DNAJC16: variants seen among roughly 807,000 people sequenced by gnomAD.
DNAJC16 encodes DnaJ heat shock protein family (Hsp40) member C16.
DNAJC16 carries 76 observed loss-of-function variants against 92.7 expected under a neutral mutation model. The observed-to-expected ratio is 0.82, with a 90% CI of 0.68 to 0.99. The LOEUF (loss-of-function observed/expected upper bound fraction) is 0.99. DNAJC16 is among the 50% of genes least tolerant of loss of function. The pLI is 0.00. For synonymous variants in DNAJC16, 328 were observed against 358.7 expected, an observed-to-expected ratio of 0.91 and a Z score of 0.97; for missense variants, 869 against 942.4, an observed-to-expected ratio of 0.92 and a Z score of 1.02.
At chr1:15,544,755 G>A (rs769411239) in intron 5 of DNAJC16, among the ~76,000 whole-genome samples, 172 bp downstream of exon 5, 1 of 152,192 alleles carries the variant, frequency 6.6e-6, no homozygotes, top group Non-Finnish European at 1.5e-5. Flanking sequence ...AGTGAAGTCT[G>A]TAGGAGACTA....
chr1:15,549,724 G>T (rs554361910), intron 7 of DNAJC16, among the ~76,000 whole-genome samples: 2 of 149,596 alleles, frequency 1.3e-5, no homozygotes, highest in African/African-American at 5.0e-5. Context: ...TGGGGCAGGA[G>T]AATGGCGTGA....
chr1:15,538,184 C>G (rs2145399), intron 4 of DNAJC16, among the ~76,000 whole-genome samples: 10 of 151,846 alleles, frequency 6.6e-5, no homozygotes, highest in Non-Finnish European at 1.5e-4. Flanking sequence ...ATCACAAGGT[C>G]AGGAGTTCGA....
In DNAJC16 at chr1:15,566,168, A is replaced by C; in HGVS notation, c.1766A>C (p.Lys589Thr). Residue 589 changes from lysine (K) to threonine (T), a missense_variant, in exon 13 of 15, where the codon AAA becomes ACA. Coordinates refer to ENST00000375847, the MANE Select transcript of DNAJC16 (RefSeq NM_015291.4). ...GGGAAAACTGAGCCAAGCTTCACCA[A>C]AGAAAACAGCAGGTTTCTCTAACAA... ...KTGKTEPSFT[K>T]ENSSKIPKKG... 1 of 1,613,860 alleles carries C rather than the reference A, an allele frequency of 6.2e-7. No individual in the cohort carries two copies. The highest frequency in any genetic ancestry group is 8.5e-7 in the Non-Finnish European group (1 of 1,179,968).
chr1:15,547,762 G>C (rs113687678), intron 6 of DNAJC16, among the ~76,000 whole-genome samples: 1,738 of 152,180 alleles, frequency 0.011, 38 homozygotes, highest in African/African-American at 0.039. Flanking sequence ...TTTGCATAGA[G>C]CAAGATACTG....
In DNAJC16 at chr1:15,546,407, GTAGA is replaced by G. The variant is rs369373059; in HGVS notation, c.760-349_760-346del. On this transcript the variant is annotated intron_variant, in intron 5 of 14. Transcript: ENST00000375847. ...AGATAGATGATAGATAGATAGATAG[GTAGA>G]TAGATAGATATTGAAAGGGGCAGTT... is the stretch of plus-strand genomic sequence containing the variant. Among the ~76,000 whole-genome samples, 281 of 152,214 alleles carry G rather than the reference GTAGA, an allele frequency of 1.8e-3. 1 individual carries two copies. Among genetic ancestry groups the G allele is most frequent in the African/African-American group, 6.4e-3 (267 of 41,548 alleles).
At position 15,566,145 on chromosome 1, in the gene DNAJC16, G is replaced by A; in HGVS notation, c.1743G>A (p.Gly581=). 1 of 1,613,964 alleles carries A rather than the reference G, an allele frequency of 6.2e-7. No individual in the cohort carries two copies. Among genetic ancestry groups the A allele is most frequent in the Middle Eastern group, 1.7e-4 (1 of 6,060 alleles). The change falls in exon 13 of 15, where the codon GGG becomes GGA. Residue 581 remains glycine (G), a synonymous_variant. Transcript: ENST00000375847. ...AAGAGGAAGCCCAAGAGAAGACTGG[G>A]AAAACTGAGCCAAGCTTCACCAAAG... ...PEKEEAQEKT[G]KTEPSFTKEN...
intron 2 of DNAJC16, among the ~76,000 whole-genome samples, chr1:15,532,944 A>T (rs1226147940): frequency 1.3e-5 from 2 of 152,236 alleles, no homozygotes; most frequent in African/African-American, 4.8e-5. Context: ...GAATAAATCC[A>T]TTAAGTTGTA....
chr1:15,534,221 C>T lies in DNAJC16; in HGVS notation c.168-16C>T, dbSNP rs1309562593. The T allele has an allele frequency of 5.0e-6, 8 of 1,613,698 alleles. No homozygotes were observed. The highest frequency in any genetic ancestry group is 5.9e-6 in the Non-Finnish European group (7 of 1,179,862). The stretch of plus-strand genomic sequence containing the variant: ...AAGTTACATCCTTTCTCACCGCCTG[C>T]CTGTTTGTGTTTCAGGCATCCTGAC... On this transcript the variant is annotated splice_polypyrimidine_tract_variant and intron_variant, in intron 2 of 14. Coordinates refer to ENST00000375847, the MANE Select transcript of DNAJC16 (RefSeq NM_015291.4).
At chr1:15,555,962 G>T in intron 7 of DNAJC16, among the ~76,000 whole-genome samples, 1 of 146,180 alleles carries the variant, frequency 6.8e-6, no homozygotes, top group African/African-American at 2.6e-5. Context: ...TTGCACTTCA[G>T]CCTGGGCAAC....
chr1:15,554,895 A>G lies in DNAJC16; in HGVS notation c.1024-4631A>G, dbSNP rs1638530314. 3.3e-5 allele frequency among the ~76,000 whole-genome samples: 5 copies of G among 152,118 alleles called. No homozygotes were observed. In the South Asian group the frequency reaches 1.0e-3, roughly 31 times the overall value. ...TATCCTTAGAAAATTGGGCCTTCCAACCTTTGAACATGATATATCTGTTTC... is the reference window on the plus strand; with the variant it reads ...TATCCTTAGAAAATTGGGCCTTCCAGCCTTTGAACATGATATATCTGTTTC... On this transcript the variant is annotated intron_variant, in intron 7 of 14. Transcript: ENST00000375847.
intron 2 of DNAJC16, among the ~76,000 whole-genome samples, chr1:15,530,422 C>T (rs1334312418): frequency 6.6e-6 from 1 of 152,220 alleles, no homozygotes; most frequent in East Asian, 1.9e-4. Context: ...AGCAATAAAT[C>T]TAAAACTTTG....
At position 15,569,570 on chromosome 1, in the gene DNAJC16, A is replaced by AGGT. The variant is rs1171090907; in HGVS notation, c.*1395_*1397dup. ...AGTGGTCCGTTCAAATGTCAAAGCA[A>AGGT]GGTGCCTTTGGTGGCTTTGTGAAGG... is the stretch of plus-strand genomic sequence containing the variant. On this transcript the variant is annotated 3_prime_UTR_variant, in exon 15 of 15. Coordinates refer to ENST00000375847, the MANE Select transcript of DNAJC16 (RefSeq NM_015291.4). 6.6e-6 allele frequency: 1 copy of AGGT among 151,848 alleles called. No individual in the cohort carries two copies. The highest frequency in any genetic ancestry group is 1.5e-5 in the Non-Finnish European group (1 of 67,996). The allele number at this position is 151,848 out of a possible 1,614,324, so 9.4% of individuals were successfully genotyped here.
At chr1:15,559,826 G>C (rs1203311127) in intron 8 of DNAJC16, among the ~76,000 whole-genome samples, 170 bp downstream of exon 8, 1 of 152,142 alleles carries the variant, frequency 6.6e-6, no homozygotes, top group Non-Finnish European at 1.5e-5. Context: ...CACTTTGGGA[G>C]GCCGAGGAGG....
chr1:15,527,490 G>A (rs886619255), intron 1 of DNAJC16, among the ~76,000 whole-genome samples: 4 of 152,204 alleles, frequency 2.6e-5, no homozygotes, highest in Non-Finnish European at 5.9e-5. Context: ...CAAGGTGGTA[G>A]TATTCATTCC....
intron 6 of DNAJC16, 44 bp downstream of exon 6, chr1:15,546,915 C>CTTTTCTTTTCTTTTCT: frequency 1.1e-6 from 1 of 906,246 alleles, no homozygotes; most frequent in African/African-American, 2.1e-5. Context: ...CTTTTCTTTT[C>CTTTTCTTTTCTTTTCT]TTTTTTTTTT....
intron 2 of DNAJC16, among the ~76,000 whole-genome samples, chr1:15,532,799 C>T (rs566796717): frequency 3.3e-5 from 5 of 152,074 alleles, no homozygotes; most frequent in African/African-American, 9.6e-5. Flanking sequence ...TTTTTTCCCC[C>T]ACTAATACTC....
At chr1:15,559,123 A>G (rs1456104824) in intron 7 of DNAJC16, among the ~76,000 whole-genome samples, 1 of 152,138 alleles carries the variant, frequency 6.6e-6, no homozygotes, top group Non-Finnish European at 1.5e-5. Flanking sequence ...TATTTTTAGC[A>G]GAGACGGGGT....
In DNAJC16 at chr1:15,559,671, C is replaced by T; in HGVS notation, c.1154+15C>T. On this transcript the variant is annotated intron_variant, in intron 8 of 14. Coordinates refer to ENST00000375847, the MANE Select transcript of DNAJC16 (RefSeq NM_015291.4). ...CGACAGAGGAAGTAAGGACTTAAGGCTTTGCCTCTGCTTGTTATTACAATA... is the reference window on the plus strand; with the variant it reads ...CGACAGAGGAAGTAAGGACTTAAGGTTTTGCCTCTGCTTGTTATTACAATA... 6.2e-7 allele frequency: 1 copy of T among 1,612,084 alleles called. No individual in the cohort carries two copies. Among genetic ancestry groups the T allele is most frequent in the Non-Finnish European group, 8.5e-7 (1 of 1,178,894 alleles).
At chr1:15,539,197 C>T (rs192356344) in intron 4 of DNAJC16, among the ~76,000 whole-genome samples, 6 of 152,246 alleles carry the variant, frequency 3.9e-5, no homozygotes, top group Admixed American at 2.0e-4. Flanking sequence ...TTTATATAAA[C>T]ATCAAATAAT....
Sources: allele counts gnomAD v4.1 joint callset (sites outside exome capture counted in the v4.1 genomes callset), GRCh38; gene constraint gnomAD v4.1.1; transcripts MANE v1.5; gene names NCBI Gene and HGNC (gene_info 2026-07-23, HGNC 2026-07-21).